PHF11: variants seen among roughly 807,000 people sequenced by gnomAD.
PHF11 encodes the protein PHD finger protein 11.
In PHF11, 38 loss-of-function variants were observed where a neutral mutation model predicts 40.5. The ratio of observed to expected loss-of-function variants is 0.94; its 90% confidence interval spans 0.72 to 1.23. The LOEUF is 1.23. Among genes scored for constraint, PHF11 ranks in the 50% most tolerant of loss-of-function variants. PHF11 has a pLI of 0.00. For missense variants in PHF11, 369 were observed against 392.4 expected (o/e 0.94, Z 0.50); for synonymous variants, 127 against 138.2 (o/e 0.92, Z 0.57).
At position 49,520,866 on chromosome 13, in the gene PHF11, T is replaced by TACAATTCTTTGAAATTAAATATTTC. The variant is rs535949770; in HGVS notation, c.459-26_459-2dup. On this transcript the variant is annotated intron_variant, in intron 4 of 9. Transcript: ENST00000378319. ...TTGAAACCTGTAAATAAAAATATTT[T>TACAATTCTTTGAAATTAAATATTTC]ACAATTCTTTGAAATTAAATATTTC... is the stretch of plus-strand genomic sequence containing the variant. 170 of 1,458,018 alleles carry TACAATTCTTTGAAATTAAATATTTC rather than the reference T, an allele frequency of 1.2e-4. No homozygotes were observed. In the African/African-American group the frequency reaches 2.3e-3, roughly 19 times the overall value. The allele number at this position is 1,458,018 out of a possible 1,614,324, so 90.3% of individuals were successfully genotyped here.
In PHF11 at chr13:49,522,101, T is replaced by C. The variant is rs1198572650; in HGVS notation, c.564T>C (p.His188=). The C allele has an allele frequency of 3.3e-6, 5 of 1,532,648 alleles. No homozygotes were observed. The highest frequency in any genetic ancestry group is 3.4e-5 in the Admixed American group (2 of 59,006). 94.9% of individuals were successfully genotyped at this position (1,532,648 alleles called of 1,614,324 possible). Residue 188 remains histidine (H), a synonymous_variant, in exon 6 of 10, where the codon CAT becomes CAC. Coordinates refer to ENST00000378319, the MANE Select transcript of PHF11 (RefSeq NM_001040443.3). ...GGAAGAAACCCCTCTCAGGCAATCA[T>C]GTACAGGTAATTTGACTTAGTTTTT... ...RGRKKPLSGN[H]VQPPETMKCN...
intron 3 of PHF11, among the ~76,000 whole-genome samples, chr13:49,515,282 G>A (rs1180769701): frequency 1.3e-5 from 2 of 152,084 alleles, no homozygotes; most frequent in South Asian, 2.1e-4. Flanking sequence ...GTGGGGACAG[G>A]CCAGTGCTGT....
chr13:49,516,674 C>T (rs1959159284), intron 3 of PHF11, among the ~76,000 whole-genome samples: 1 of 151,914 alleles, frequency 6.6e-6, no homozygotes, highest in South Asian at 2.1e-4. Flanking sequence ...GCCTTGATTT[C>T]CTGGCCCCAA....
In PHF11 at chr13:49,528,856, T is replaced by C. The variant is rs3033; in HGVS notation, c.*191T>C. On this transcript the variant is annotated 3_prime_UTR_variant, in exon 10 of 10. Coordinates refer to ENST00000378319, the MANE Select transcript of PHF11 (RefSeq NM_001040443.3). ...CTTGTGTTTTTTGCTCACTGTCACATTCCCAGCACCTAGTATGCTCAGTAA... is the reference window on the plus strand; with the variant it reads ...CTTGTGTTTTTTGCTCACTGTCACACTCCCAGCACCTAGTATGCTCAGTAA... 0.5 allele frequency: 257,118 copies of C among 511,994 alleles called. 65,968 individuals carry two copies. Among genetic ancestry groups the C allele is most frequent in the Middle Eastern group, 0.54 (1,742 of 3,244 alleles). 31.7% of individuals were successfully genotyped at this position (511,994 alleles called of 1,614,324 possible).
intron 3 of PHF11, among the ~76,000 whole-genome samples, chr13:49,514,630 T>C (rs917215593): frequency 3.3e-5 from 5 of 151,966 alleles, no homozygotes; most frequent in African/African-American, 1.2e-4. Flanking sequence ...CAGTGGCATA[T>C]ACCTGTAGTC....
Position 49,520,891 on chromosome 13 carries a change from C to A in PHF11, c.459-3C>A. The A allele has an allele frequency of 6.4e-7, 1 of 1,554,936 alleles. No individual in the cohort carries two copies. The highest frequency in any genetic ancestry group is 8.8e-7 in the Non-Finnish European group (1 of 1,137,286). ...TACAATTCTTTGAAATTAAATATTTCAGACTGCTTTGCCAGCAACATGCTC... is the reference window on the plus strand; with the variant it reads ...TACAATTCTTTGAAATTAAATATTTAAGACTGCTTTGCCAGCAACATGCTC... On this transcript the variant is annotated splice_polypyrimidine_tract_variant and splice_region_variant and intron_variant, in intron 4 of 9. Coordinates refer to ENST00000378319, the MANE Select transcript of PHF11 (RefSeq NM_001040443.3).
Sources: gnomAD v4.1 joint callset for allele counts (sites outside exome capture counted in the v4.1 genomes callset) on GRCh38, gnomAD v4.1.1 for gene constraint, MANE v1.5 for transcripts, NCBI Gene and HGNC (gene_info 2026-07-23, HGNC 2026-07-21) for gene names.